LIG1: variants seen among roughly 807,000 people sequenced by gnomAD.
LIG1 encodes the protein DNA ligase 1.
A neutral mutation model predicts 115.7 loss-of-function variants in LIG1; 70 were observed. That is an observed-to-expected ratio of 0.60 (90% CI 0.50 to 0.74). LIG1 has a LOEUF of 0.74. Ranked by LOEUF, LIG1 falls within the 30% of genes least tolerant of loss-of-function variation. The pLI is 0.00. For missense variants in LIG1, 1,115 were observed against 1,225.6 expected, an observed-to-expected ratio of 0.91 and a Z score of 1.35; for synonymous variants, 487 against 495.3, an observed-to-expected ratio of 0.98 and a Z score of 0.22.
chr19:48,129,410 A>C (rs938072628), intron 19 of LIG1, among the ~76,000 whole-genome samples: 11 of 152,290 alleles, frequency 7.2e-5, no homozygotes, highest in Admixed American at 5.2e-4. Context: ...GGATCTCCAC[A>C]TATAATTTAC....
chr19:48,144,259 G>A (rs2034973572), intron 9 of LIG1, among the ~76,000 whole-genome samples: 1 of 152,186 alleles, frequency 6.6e-6, no homozygotes, highest in South Asian at 2.1e-4. Context: ...GGTGGTCAGG[G>A]AAGGCCGGAG....
At chr19:48,120,792 G>A (rs1477209381) in intron 24 of LIG1, 3 of 464,338 alleles carry the variant, frequency 6.5e-6, no homozygotes, top group Non-Finnish European at 9.3e-6. Context: ...AGAGGCACAT[G>A]GCAGAAAAAA....
chr19:48,146,549 G>A lies in LIG1; in HGVS notation c.777-2586C>T, dbSNP rs532532552. 2.2e-4 allele frequency among the ~76,000 whole-genome samples: 34 copies of A among 152,206 alleles called. No individual in the cohort carries two copies. The South Asian group carries it at 2.5e-3, about 11-fold the overall frequency. On this transcript the variant is annotated intron_variant, in intron 9 of 27. Coordinates refer to ENST00000263274, the MANE Select transcript of LIG1 (RefSeq NM_000234.3). ...TACAAAAGTAGCCGGGCATGGTGGC[G>A]CATGCCTGTAATCCCAGCTACCTGG...
rs374170223 is a variant in LIG1 at position 48,151,191 on chromosome 19, C to G, written c.574+41G>C. 2.0e-4 allele frequency: 250 copies of G among 1,267,550 alleles called. 1 individual carries two copies. The highest frequency in any genetic ancestry group is 5.4e-4 in the Admixed American group (30 of 55,636). 78.5% of individuals were successfully genotyped at this position (1,267,550 alleles called of 1,614,324 possible). ...CTCCAAAGACTTCTGACCCCAAAAT[C>G]AGGAGGTGGGGCAGGGCGGAGGAGA... is the stretch of plus-strand genomic sequence containing the variant. On this transcript the variant is annotated intron_variant, in intron 7 of 27. Transcript: ENST00000263274.
chr19:48,143,604 G>A lies in LIG1; in HGVS notation c.858-5C>T, dbSNP rs1012954653. 2 of 1,611,184 alleles carry A rather than the reference G, an allele frequency of 1.2e-6. No individual in the cohort carries two copies. The highest frequency in any genetic ancestry group is 1.1e-5 in the South Asian group (1 of 91,030). On this transcript the variant is annotated splice_polypyrimidine_tract_variant and splice_region_variant and intron_variant, in intron 10 of 27. Coordinates refer to ENST00000263274, the MANE Select transcript of LIG1 (RefSeq NM_000234.3). Reference sequence around the variant, plus strand: ...GCCACAGCCAGGTAAGGAACCCTAGGGAAGGAAAAGAGACGCAAGAGTGAC... The same window carrying A: ...GCCACAGCCAGGTAAGGAACCCTAGAGAAGGAAAAGAGACGCAAGAGTGAC...
At chr19:48,166,981 A>G (rs1454114111) in intron 1 of LIG1, among the ~76,000 whole-genome samples, 1 of 148,752 alleles carries the variant, frequency 6.7e-6, no homozygotes, top group Admixed American at 6.7e-5. Flanking sequence ...AAAAGAAAGA[A>G]AAAGAAAGAA....
chr19:48,163,944 CAAA>C (rs36027045), intron 2 of LIG1, among the ~76,000 whole-genome samples: 12 of 83,164 alleles, frequency 1.4e-4, no homozygotes, highest in Non-Finnish European at 1.6e-4. Flanking sequence ...GACTCTGTCT[CAAA>C]AAAAAAAAAA....
In LIG1 at chr19:48,153,952, G is replaced by A. The variant is rs1381263453; in HGVS notation, c.386C>T (p.Pro129Leu). ...PKRRTARKQL[P>L]KRTIQEVLEE... ...CAGGACTTCCTGAATGGTCCGTTTC[G>A]GGAGCTGCTTCCGAGCTGGGGAGGC... Residue 129 changes from proline (P) to leucine (L), a missense_variant, in exon 6 of 28, where the codon CCG becomes CTG. Transcript: ENST00000263274. 3.1e-6 allele frequency: 5 copies of A among 1,613,498 alleles called. No individual in the cohort carries two copies. The highest frequency in any genetic ancestry group is 2.2e-5 in the East Asian group (1 of 44,820).
intron 6 of LIG1, among the ~76,000 whole-genome samples, chr19:48,153,410 G>A (rs1361170444): frequency 2.2e-5 from 3 of 133,548 alleles, no homozygotes; most frequent in African/African-American, 5.0e-5. Context: ...AAATCATTTA[G>A]AGGAAAAATA....
intron 1 of LIG1, chr19:48,165,874 A>G (rs1042951192): frequency 1.8e-5 from 9 of 499,728 alleles, no homozygotes; most frequent in Non-Finnish European, 2.9e-5. Context: ...TTCATCTAAT[A>G]TGAGGAATAG....
At chr19:48,159,225 G>A (rs1192858316) in intron 4 of LIG1, among the ~76,000 whole-genome samples, 4 of 151,846 alleles carry the variant, frequency 2.6e-5, no homozygotes, top group East Asian at 3.9e-4. Context: ...CTACAGGCCC[G>A]TGCCACCATG....
intron 9 of LIG1, among the ~76,000 whole-genome samples, chr19:48,144,448 T>C (rs1265707879): frequency 6.6e-6 from 1 of 152,160 alleles, no homozygotes; most frequent in Non-Finnish European, 1.5e-5. Flanking sequence ...TGTCGCAAAG[T>C]GCCAGGTGCC....
At position 48,137,463 on chromosome 19, in the gene LIG1, G is replaced by A. The variant is rs750815603; in HGVS notation, c.1254+59C>T. ...CTACCCAGAAGCCTTCCTGACACAC[G>A]CGTGGCCTCAGGTCCCCAAGATGTC... On this transcript the variant is annotated intron_variant, in intron 13 of 27. Transcript: ENST00000263274. The surrounding 1 kb of genome is among the most constrained non-coding windows in gnomAD (Gnocchi z 4.3). 2.4e-4 allele frequency: 386 copies of A among 1,594,546 alleles called. No homozygotes were observed. Among genetic ancestry groups the A allele is most frequent in the Non-Finnish European group, 3.1e-4 (369 of 1,174,358 alleles).
Position 48,129,193 on chromosome 19 carries a change from C to T in LIG1, c.1822-1173G>A, listed in dbSNP as rs189258012. Among the ~76,000 whole-genome samples, 480 of 151,948 alleles carry T rather than the reference C, an allele frequency of 3.2e-3. 3 individuals carry two copies. Among genetic ancestry groups the T allele is most frequent in the Admixed American group, 9.1e-3 (139 of 15,230 alleles). ...TCAGCCTCCCAAGTAGCTGGGACTA[C>T]AAGAGCACGCCACCACATCCAGCTA... On this transcript the variant is annotated intron_variant, in intron 19 of 27. Transcript: ENST00000263274.
intron 15 of LIG1, 109 bp downstream of exon 15, chr19:48,135,925 G>T: frequency 9.9e-7 from 1 of 1,005,564 alleles, no homozygotes; most frequent in Non-Finnish European, 1.5e-6. Flanking sequence ...GAGGAGCCTG[G>T]TATGGCAGGG....
chr19:48,162,315 C>T lies in LIG1; in HGVS notation c.54G>A (p.Lys18=). Residue 18 remains lysine, a synonymous_variant, in exon 3 of 28, where the codon AAG becomes AAA. Transcript: ENST00000263274. ...FFHPKKEGKA[K]KPEKEASNSS... ...TATTGGATGCCTCCTTCTCAGGCTT[C>T]TTTGCTTTACCCTCTTTCTTGGGGT... The T allele has an allele frequency of 6.2e-7, 1 of 1,613,880 alleles. No individual in the cohort carries two copies. The highest frequency in any genetic ancestry group is 8.5e-7 in the Non-Finnish European group (1 of 1,179,954).
At chr19:48,130,421 G>A (rs1175321413) in intron 19 of LIG1, among the ~76,000 whole-genome samples, 3 of 152,244 alleles carry the variant, frequency 2.0e-5, no homozygotes, top group Non-Finnish European at 4.4e-5. Context: ...CCTACTGGGT[G>A]CAGAGAAGTC....
Position 48,150,076 on chromosome 19 carries a change from A to T in LIG1, c.697+12T>A, listed in dbSNP as rs1457372008. ...ACAACCCCGGGAGGTGGGGTGAGCAAGGGAAACTCACTGAAGAAGCTGCTG... is the reference window on the plus strand; with the variant it reads ...ACAACCCCGGGAGGTGGGGTGAGCATGGGAAACTCACTGAAGAAGCTGCTG... On this transcript the variant is annotated intron_variant, in intron 8 of 27. Transcript: ENST00000263274. 6.2e-7 allele frequency: 1 copy of T among 1,614,100 alleles called. No individual in the cohort carries two copies.
At chr19:48,161,557 G>A (rs2036179008) in intron 3 of LIG1, 50 bp from the exon 4 acceptor site, 9 of 1,603,144 alleles carry the variant, frequency 5.6e-6, no homozygotes, top group African/African-American at 1.3e-5. Context: ...AGCAGGCAGA[G>A]TGGGGGCACT....
Sources: allele counts gnomAD v4.1 joint callset (sites outside exome capture counted in the v4.1 genomes callset), GRCh38; gene constraint gnomAD v4.1.1; non-coding constraint Gnocchi (gnomAD v3.1); transcripts MANE v1.5; gene names NCBI Gene and HGNC (gene_info 2026-07-23, HGNC 2026-07-21).